The following NTRK2 variants were observed in gnomAD, a reference collection of about 807,000 sequenced individuals.
NTRK2 encodes the protein neurotrophic receptor tyrosine kinase 2, also known as BDNF/NT-3 growth factors receptor.
Under a neutral mutation model 94.5 loss-of-function variants are expected in NTRK2, and 13 were observed. The ratio of observed to expected loss-of-function variants is 0.14; its 90% CI spans 0.09 to 0.22. NTRK2 has a LOEUF of 0.22. Among genes scored for constraint, NTRK2 ranks in the 10% least tolerant of loss-of-function variants. The probability of loss-of-function intolerance (pLI) is 1.00; values close to 1 mark genes in which losing one functional copy is unlikely to be tolerated. For missense variants in NTRK2, 639 were observed against 1,071.2 expected (o/e 0.60, Z 5.63); for synonymous variants, 372 against 407.4 (o/e 0.91, Z 1.05).
intron 14 of NTRK2, among the ~76,000 whole-genome samples, chr9:84,921,780 G>A (rs996336091): frequency 3.9e-5 from 6 of 152,122 alleles, no homozygotes; most frequent in African/African-American, 1.4e-4. Flanking sequence ...ATGTAGTGGG[G>A]AATTAATAAG....
chr9:85,003,991 G>GGAAAGAAA (rs1311588239), intron 17 of NTRK2, among the ~76,000 whole-genome samples: 8 of 51,946 alleles, frequency 1.5e-4, no homozygotes, highest in African/African-American at 7.1e-4. Flanking sequence ...GAAAGAAGAA[G>GGAAAGAAA]GAAAGAAAGA....
At chr9:84,922,582 T>C (rs894231313) in intron 14 of NTRK2, among the ~76,000 whole-genome samples, 1 of 152,212 alleles carries the variant, frequency 6.6e-6, no homozygotes, top group Non-Finnish European at 1.5e-5. Context: ...GCTGCATAAC[T>C]TTGGGCACCT....
intron 16 of NTRK2, among the ~76,000 whole-genome samples, chr9:84,950,220 G>A: frequency 6.6e-6 from 1 of 152,216 alleles, no homozygotes; most frequent in East Asian, 1.9e-4. Context: ...TAAACCAGCT[G>A]CCTCGGTAAG....
intron 17 of NTRK2, among the ~76,000 whole-genome samples, chr9:85,003,353 G>A (rs1005537668): frequency 6.6e-6 from 1 of 152,162 alleles, no homozygotes; most frequent in Middle Eastern, 3.2e-3. Context: ...CTGAGTACTA[G>A]AGCTACAGCA....
chr9:84,926,113 CCTT>C (rs1458741804), intron 14 of NTRK2, among the ~76,000 whole-genome samples: 13 of 41,196 alleles, frequency 3.2e-4, no homozygotes, highest in African/African-American at 9.2e-4. Context: ...TCCTTTCCTT[CCTT>C]CCTTCCTTCC....
intron 14 of NTRK2, among the ~76,000 whole-genome samples, chr9:84,900,486 G>GA (rs1187541706): frequency 1.3e-5 from 2 of 152,160 alleles, no homozygotes; most frequent in African/African-American, 4.8e-5. Flanking sequence ...GAAACCCCAT[G>GA]AAAAGTACTG....
chr9:84,794,224 GA>G (rs2069032915), intron 12 of NTRK2, among the ~76,000 whole-genome samples: 1 of 152,176 alleles, frequency 6.6e-6, no homozygotes, highest in East Asian at 1.9e-4. Context: ...TTTAATCTAT[GA>G]AAATACAAAA....
intron 12 of NTRK2, among the ~76,000 whole-genome samples, chr9:84,842,898 A>G (rs1219180404): frequency 6.6e-6 from 1 of 152,220 alleles, no homozygotes; most frequent in East Asian, 1.9e-4. Flanking sequence ...GAGTGTCTCT[A>G]AGGAGAGGAA....
At chr9:84,984,160 C>G (rs951123435) in intron 17 of NTRK2, among the ~76,000 whole-genome samples, 1 of 152,068 alleles carries the variant, frequency 6.6e-6, no homozygotes, top group African/African-American at 2.4e-5. Context: ...GAGTAAGAGT[C>G]GCCTGGAGGC....
At chr9:84,881,777 A>G (rs780595622) in intron 14 of NTRK2, among the ~76,000 whole-genome samples, 15 of 152,142 alleles carry the variant, frequency 9.9e-5, no homozygotes, top group Non-Finnish European at 2.2e-4. Flanking sequence ...GTTGGGTTTG[A>G]AGCTTTTTCT....
At chr9:84,816,778 CAAAAAAAAAAAAA>C (rs61094948) in intron 12 of NTRK2, among the ~76,000 whole-genome samples, 1 of 82,650 alleles carries the variant, frequency 1.2e-5, no homozygotes, top group Non-Finnish European at 2.3e-5. Flanking sequence ...GACTCCATCT[CAAAAAAAAAAAAA>C]AAAAAAAAGA....
intron 11 of NTRK2, among the ~76,000 whole-genome samples, chr9:84,745,569 C>T (rs1588318328): frequency 6.6e-6 from 1 of 152,138 alleles, no homozygotes; most frequent in African/African-American, 2.4e-5. Flanking sequence ...AGAAGCAGAG[C>T]AAGGCAGTAC....
At chr9:84,675,145 G>A (rs572588261) in intron 2 of NTRK2, among the ~76,000 whole-genome samples, 58 of 152,192 alleles carry the variant, frequency 3.8e-4, no homozygotes, top group African/African-American at 1.3e-3. Flanking sequence ...TTATAAAGGT[G>A]TTTTCTAAGC....
At chr9:84,669,158 C>G (rs943467902), upstream of NTRK2, 7 of 152,248 alleles carry the variant, frequency 4.6e-5, no homozygotes, top group Non-Finnish European at 7.3e-5. This position sits in a 1 kb window ranked among gnomAD's most constrained non-coding sequence, Gnocchi z 4.1. Flanking sequence ...CCTTGGTTAC[C>G]AATGCAGAAC....
At chr9:84,910,347 C>T (rs1043493986) in intron 14 of NTRK2, among the ~76,000 whole-genome samples, 1 of 152,128 alleles carries the variant, frequency 6.6e-6, no homozygotes, top group South Asian at 2.1e-4. Flanking sequence ...GAACTCTTCC[C>T]TTCCCTTGTC....
At chr9:84,860,062 A>G (rs934130589) in intron 12 of NTRK2, among the ~76,000 whole-genome samples, 4 of 152,220 alleles carry the variant, frequency 2.6e-5, no homozygotes, top group African/African-American at 9.6e-5. Flanking sequence ...TTGAGTGTGC[A>G]AAGTGCTTTT....
chr9:84,679,965 C>G (rs536940123), intron 2 of NTRK2, among the ~76,000 whole-genome samples: 1 of 151,964 alleles, frequency 6.6e-6, no homozygotes, highest in South Asian at 2.1e-4. Flanking sequence ...CATTCCTGGC[C>G]CACTTCTGTG....
At chr9:84,787,787 G>T (rs1168604137) in intron 12 of NTRK2, among the ~76,000 whole-genome samples, 1 of 152,120 alleles carries the variant, frequency 6.6e-6, no homozygotes, top group Non-Finnish European at 1.5e-5. Context: ...TTAAATAAGG[G>T]ACTATCTATA....
chr9:84,997,183 G>A (rs1034176615), intron 17 of NTRK2, among the ~76,000 whole-genome samples: 3 of 152,058 alleles, frequency 2.0e-5, no homozygotes, highest in African/African-American at 7.3e-5. Context: ...AGCCAGACAG[G>A]TAGGTATAGG....
Sources: gnomAD v4.1 joint callset for allele counts (sites outside exome capture counted in the v4.1 genomes callset) on GRCh38, gnomAD v4.1.1 for gene constraint, Gnocchi (gnomAD v3.1) non-coding constraint, MANE v1.5 for transcripts, NCBI Gene and HGNC (gene_info 2026-07-23, HGNC 2026-07-21) for gene names.